The following AGMO variants were observed in gnomAD, a reference collection of about 807,000 sequenced individuals.
AGMO encodes glyceryl-ether monooxygenase.
AGMO carries 75 observed loss-of-function variants against 60.2 expected under a neutral mutation model. The ratio of observed to expected loss-of-function variants is 1.25; its 90% CI spans 1.03 to 1.51. AGMO has a LOEUF of 1.51. Ranked by LOEUF, AGMO falls within the 40% of genes most tolerant of loss-of-function variation. AGMO has a pLI of 0.00. For missense variants in AGMO, 763 were observed against 525.5 expected (o/e 1.45, Z -4.42); for synonymous variants, 261 against 177.1 (o/e 1.47, Z -3.76).
At chr7:15,299,362 C>T (rs954381215) in intron 12 of AGMO, among the ~76,000 whole-genome samples, 1 of 151,950 alleles carries the variant, frequency 6.6e-6, no homozygotes, top group African/African-American at 2.4e-5. Context: ...GTGGTTTGCC[C>T]TAATTTATTT....
At chr7:15,350,393 G>A (rs1782196458) in intron 12 of AGMO, among the ~76,000 whole-genome samples, 1 of 152,132 alleles carries the variant, frequency 6.6e-6, no homozygotes, top group Non-Finnish European at 1.5e-5. Context: ...ATCCATCAAT[G>A]TCCTTGGAGT....
At chr7:15,472,961 C>A (rs1429746152) in intron 3 of AGMO, among the ~76,000 whole-genome samples, 1 of 151,856 alleles carries the variant, frequency 6.6e-6, no homozygotes, top group Non-Finnish European at 1.5e-5. Flanking sequence ...GTGAACTCTT[C>A]ATGATTGTTG....
At chr7:15,296,112 CT>C (rs1268091002) in intron 12 of AGMO, among the ~76,000 whole-genome samples, 3 of 151,840 alleles carry the variant, frequency 2.0e-5, no homozygotes, top group Non-Finnish European at 4.4e-5. Context: ...AGATGTTAGT[CT>C]TTTTTTTCTA....
At chr7:15,500,127 G>A (rs1366966468) in intron 3 of AGMO, among the ~76,000 whole-genome samples, 1 of 151,674 alleles carries the variant, frequency 6.6e-6, no homozygotes, top group African/African-American at 2.4e-5. Context: ...CAAATTAAAA[G>A]AGAAGATTAA....
chr7:15,439,508 G>A (rs1174160317), intron 3 of AGMO, among the ~76,000 whole-genome samples: 1 of 152,092 alleles, frequency 6.6e-6, no homozygotes, highest in Non-Finnish European at 1.5e-5. Flanking sequence ...TTGCCTTTGG[G>A]CAGTTGTGTT....
chr7:15,449,991 T>C (rs117672983), intron 3 of AGMO, among the ~76,000 whole-genome samples: 2 of 152,340 alleles, frequency 1.3e-5, no homozygotes, highest in East Asian at 3.9e-4. Context: ...ACACAGTCAC[T>C]TAAAATGAAT....
intron 10 of AGMO, among the ~76,000 whole-genome samples, chr7:15,375,610 A>G (rs900628378): frequency 6.6e-6 from 1 of 151,942 alleles, no homozygotes; most frequent in Non-Finnish European, 1.5e-5. Flanking sequence ...TTGGCCAGAC[A>G]GGTCTCAAAC....
chr7:15,548,103 G>C (rs1032996590), intron 2 of AGMO, among the ~76,000 whole-genome samples: 1 of 152,050 alleles, frequency 6.6e-6, no homozygotes, highest in Non-Finnish European at 1.5e-5. Context: ...GCAGCTGACG[G>C]TCATGTCTGT....
the AGMO span, among the ~76,000 whole-genome samples, chr7:15,127,161 C>T: frequency 2.8e-3 from 421 of 152,106 alleles, 1 homozygote; most frequent in Non-Finnish European, 4.5e-3. Context: ...TAAACCAAGC[C>T]GTACCCTGAC....
intron 3 of AGMO, among the ~76,000 whole-genome samples, chr7:15,508,485 C>T (rs536744969): frequency 7.9e-5 from 12 of 152,178 alleles, no homozygotes; most frequent in South Asian, 4.1e-4. Flanking sequence ...GCAATAAAAA[C>T]CCTCTTTCAT....
chr7:15,337,847 C>CTTA (rs1781712595), intron 12 of AGMO, among the ~76,000 whole-genome samples: 1 of 152,186 alleles, frequency 6.6e-6, no homozygotes, highest in Admixed American at 6.5e-5. Context: ...GGCACCTGGG[C>CTTA]TCCACCTTTG....
chr7:15,150,699 T>C, the AGMO span, among the ~76,000 whole-genome samples: 2 of 152,154 alleles, frequency 1.3e-5, no homozygotes, highest in Non-Finnish European at 2.9e-5. Context: ...CTGGATTTGA[T>C]TGGCTACTAT....
intron 12 of AGMO, among the ~76,000 whole-genome samples, chr7:15,249,596 C>G (rs1257885616): frequency 6.6e-6 from 1 of 151,946 alleles, no homozygotes; most frequent in East Asian, 1.9e-4. Context: ...AAGTCATTCT[C>G]ACCTGAATGG....
intron 9 of AGMO, among the ~76,000 whole-genome samples, chr7:15,385,894 G>GA (rs1476104916): frequency 6.6e-6 from 1 of 152,082 alleles, no homozygotes; most frequent in Non-Finnish European, 1.5e-5. Flanking sequence ...AGAAAAAACA[G>GA]AAGGTGCCAG....
At chr7:15,125,916 G>A in the AGMO span, among the ~76,000 whole-genome samples, 19 of 152,138 alleles carry the variant, frequency 1.2e-4, no homozygotes, top group East Asian at 1.6e-3. Flanking sequence ...CATTGTAAGC[G>A]TTAAAGAAAA....
intron 12 of AGMO, among the ~76,000 whole-genome samples, chr7:15,218,319 G>C (rs1401885374): frequency 9.1e-6 from 1 of 109,750 alleles, no homozygotes; most frequent in Non-Finnish European, 1.9e-5. Context: ...ATTGACTATG[G>C]TGTGTGTATG....
intron 12 of AGMO, among the ~76,000 whole-genome samples, chr7:15,342,778 G>A (rs1214833916): frequency 1.9e-4 from 3 of 15,412 alleles, no homozygotes; most frequent in South Asian, 2.1e-3. Flanking sequence ...CAGTATAGCT[G>A]CAAAAAAAAA....
chr7:15,366,030 A>G lies in AGMO; in HGVS notation c.1157+110T>C, dbSNP rs915640626. On this transcript the variant is annotated intron_variant, in intron 11 of 12. Coordinates refer to ENST00000342526, the MANE Select transcript of AGMO (RefSeq NM_001004320.2). Reference sequence around the variant, plus strand: ...GAGAAGTCAAATACCAAAATTTTATATTTATTTTTAAAACTACACTAGTTA... The same window carrying G: ...GAGAAGTCAAATACCAAAATTTTATGTTTATTTTTAAAACTACACTAGTTA... The G allele has an allele frequency of 9.3e-6, 7 of 755,450 alleles. No homozygotes were observed. The African/African-American group carries it at 1.1e-4, about 12-fold the overall frequency. 46.8% of individuals were successfully genotyped at this position (755,450 alleles called of 1,614,324 possible). A position where few individuals can be genotyped will look rare whatever the true frequency, so the allele number is the denominator to read the frequency against.
the AGMO span, among the ~76,000 whole-genome samples, chr7:15,145,355 T>C: frequency 6.6e-6 from 1 of 152,170 alleles, no homozygotes; most frequent in African/African-American, 2.4e-5. Flanking sequence ...TATTTAAAGA[T>C]ATTTAAAATA....
Sources: gnomAD v4.1 joint callset for allele counts (sites outside exome capture counted in the v4.1 genomes callset) on GRCh38, gnomAD v4.1.1 for gene constraint, MANE v1.5 for transcripts, NCBI Gene and HGNC (gene_info 2026-07-23, HGNC 2026-07-21) for gene names.